Variants in SLC4A10 observed in about 807,000 individuals in gnomAD.
The protein encoded by SLC4A10 is sodium-driven chloride bicarbonate exchanger.
A neutral mutation model predicts 137.7 loss-of-function variants in SLC4A10; 42 were observed. The ratio of observed to expected loss-of-function variants is 0.30; its 90% CI spans 0.24 to 0.39. The LOEUF (loss-of-function observed/expected upper bound fraction) is 0.39, where lower values mean the gene tolerates loss of function less well. SLC4A10 is among the 10% of genes least tolerant of loss of function. The pLI is 1.00. For synonymous variants in SLC4A10, 474 were observed against 464.1 expected, an observed-to-expected ratio of 1.02 and a Z score of -0.27; for missense variants, 925 against 1,355.0, an observed-to-expected ratio of 0.68 and a Z score of 4.98.
intron 26 of SLC4A10, among the ~76,000 whole-genome samples, chr2:161,982,317 G>A (rs1362173398): frequency 1.3e-5 from 2 of 152,100 alleles, no homozygotes; most frequent in Non-Finnish European, 2.9e-5. Context: ...TGCCCTCTCT[G>A]GAACATGGTG....
intron 1 of SLC4A10, among the ~76,000 whole-genome samples, chr2:161,663,790 G>A (rs1574201112): frequency 6.6e-6 from 1 of 152,070 alleles, no homozygotes; most frequent in Admixed American, 6.6e-5. Context: ...GGTTTCCAAA[G>A]ATGTTGAAAC....
At chr2:161,677,318 C>G (rs567947415) in intron 1 of SLC4A10, among the ~76,000 whole-genome samples, 1 of 152,244 alleles carries the variant, frequency 6.6e-6, no homozygotes, top group Admixed American at 6.5e-5. Flanking sequence ...GCTTCTTGTA[C>G]AGCCTGCAGA....
intron 2 of SLC4A10, among the ~76,000 whole-genome samples, chr2:161,803,741 G>T (rs955096918): frequency 6.6e-6 from 1 of 152,054 alleles, no homozygotes; most frequent in East Asian, 1.9e-4. Flanking sequence ...TAGAGGATAC[G>T]TTCTAAGACC....
At chr2:161,668,499 G>A (rs2039334768) in intron 1 of SLC4A10, among the ~76,000 whole-genome samples, 1 of 151,796 alleles carries the variant, frequency 6.6e-6, no homozygotes, top group Non-Finnish European at 1.5e-5. Context: ...CTCACTACTA[G>A]AAGTAATCAA....
chr2:161,776,250 T>G (rs934206838), intron 2 of SLC4A10, among the ~76,000 whole-genome samples: 3 of 151,950 alleles, frequency 2.0e-5, no homozygotes, highest in Admixed American at 1.3e-4. Context: ...TCATCAGTAA[T>G]GCAAGTGTAC....
At chr2:161,970,439 T>C (rs904879423) in intron 23 of SLC4A10, among the ~76,000 whole-genome samples, 1 of 152,256 alleles carries the variant, frequency 6.6e-6, no homozygotes, top group Non-Finnish European at 1.5e-5. Flanking sequence ...ATTCTATTAG[T>C]AGTTGAGGAA....
chr2:161,810,110 T>G (rs2056392821), intron 3 of SLC4A10, among the ~76,000 whole-genome samples: 9 of 151,972 alleles, frequency 5.9e-5, no homozygotes. Context: ...GTTAGATGTA[T>G]TACATTTTTT....
At chr2:161,645,099 G>T (rs1336637492) in intron 1 of SLC4A10, among the ~76,000 whole-genome samples, 2 of 152,032 alleles carry the variant, frequency 1.3e-5, no homozygotes, top group African/African-American at 4.8e-5. Context: ...AAAGTAAAAT[G>T]GTTATGCTAT....
chr2:161,648,303 A>G (rs1314559647), intron 1 of SLC4A10, among the ~76,000 whole-genome samples: 1 of 152,164 alleles, frequency 6.6e-6, no homozygotes, highest in African/African-American at 2.4e-5. Context: ...TTATGTGATT[A>G]CTTACTCATT....
At chr2:161,698,159 T>C (rs2042741247) in intron 1 of SLC4A10, among the ~76,000 whole-genome samples, 1 of 152,256 alleles carries the variant, frequency 6.6e-6, no homozygotes, top group South Asian at 2.1e-4. Context: ...ATTGATTTTC[T>C]GTCTTGAGAC....
intron 1 of SLC4A10, among the ~76,000 whole-genome samples, chr2:161,659,604 T>G (rs1358711785): frequency 6.6e-6 from 1 of 151,786 alleles, no homozygotes; most frequent in Non-Finnish European, 1.5e-5. Flanking sequence ...TGGAACAAAA[T>G]CGCACTTATG....
chr2:161,884,250 A>G (rs2062044134), intron 10 of SLC4A10, among the ~76,000 whole-genome samples: 1 of 152,138 alleles, frequency 6.6e-6, no homozygotes, highest in African/African-American at 2.4e-5. Context: ...ATGTTTCCCC[A>G]TCTAAGAAAT....
intron 5 of SLC4A10, 30 bp from the exon 6 acceptor site, chr2:161,862,844 G>A: frequency 6.6e-7 from 1 of 1,520,732 alleles, no homozygotes; most frequent in Non-Finnish European, 8.9e-7. Context: ...GGAAAGCTGT[G>A]CTTATCTTCT....
At chr2:161,953,523 G>A (rs924065515) in intron 19 of SLC4A10, among the ~76,000 whole-genome samples, 6 of 151,938 alleles carry the variant, frequency 3.9e-5, no homozygotes, top group African/African-American at 9.7e-5. Flanking sequence ...CAGGAGAATC[G>A]TCTGAACCTG....
intron 2 of SLC4A10, among the ~76,000 whole-genome samples, chr2:161,791,548 C>T (rs1487877334): frequency 2.0e-5 from 3 of 152,064 alleles, no homozygotes; most frequent in African/African-American, 7.2e-5. Flanking sequence ...ATGGGTTGAT[C>T]TGTGCAGCAA....
chr2:161,655,956 G>A (rs200107150), intron 1 of SLC4A10, among the ~76,000 whole-genome samples: 1 of 151,604 alleles, frequency 6.6e-6, no homozygotes, highest in East Asian at 1.9e-4. Context: ...TGGGATTACA[G>A]GCGTGTGCTA....
chr2:161,886,924 A>G (rs1391275994), intron 10 of SLC4A10, among the ~76,000 whole-genome samples: 2 of 152,054 alleles, frequency 1.3e-5, no homozygotes, highest in Non-Finnish European at 2.9e-5. Flanking sequence ...TATTTCTCCT[A>G]ATGCTATCTC....
intron 15 of SLC4A10, among the ~76,000 whole-genome samples, chr2:161,940,626 G>A (rs915763277): frequency 6.6e-6 from 1 of 152,192 alleles, no homozygotes; most frequent in Non-Finnish European, 1.5e-5. Flanking sequence ...TTGAAGCAGA[G>A]TAAAGGGAAG....
chr2:161,818,194 G>A lies in SLC4A10; in HGVS notation c.277+13599G>A, dbSNP rs550223883. Among the ~76,000 whole-genome samples, 22 of 152,072 alleles carry A rather than the reference G, an allele frequency of 1.4e-4. No individual in the cohort carries two copies. In the East Asian group the frequency reaches 3.5e-3, roughly 24 times the overall value. ...GTAGTTCTCCTTGACGAGGTCCTTCGCATCCCTTTTAAGTTGGAGTTCTAG... is the reference window on the plus strand; with the variant it reads ...GTAGTTCTCCTTGACGAGGTCCTTCACATCCCTTTTAAGTTGGAGTTCTAG... On this transcript the variant is annotated intron_variant, in intron 3 of 26. Coordinates refer to ENST00000446997, the MANE Select transcript of SLC4A10 (RefSeq NM_001178015.2).
Sources: allele counts gnomAD v4.1 joint callset (sites outside exome capture counted in the v4.1 genomes callset), GRCh38; gene constraint gnomAD v4.1.1; transcripts MANE v1.5; gene names NCBI Gene and HGNC (gene_info 2026-07-23, HGNC 2026-07-21).